The following ADAMTS1 variants were observed in gnomAD, a reference collection of about 807,000 sequenced individuals.
The protein encoded by ADAMTS1 is A disintegrin and metalloproteinase with thrombospondin motifs 1.
In ADAMTS1, 19 loss-of-function variants were observed where a neutral mutation model predicts 87.9. The observed-to-expected ratio is 0.22, with a 90% CI of 0.15 to 0.32. ADAMTS1 has a LOEUF of 0.32. ADAMTS1 is among the 10% of genes least tolerant of loss of function. The pLI, the probability that ADAMTS1 is intolerant of heterozygous loss-of-function variation, is 1.00. For synonymous variants in ADAMTS1, 542 were observed against 501.8 expected, an observed-to-expected ratio of 1.08 and a Z score of -1.07; for missense variants, 1,240 against 1,259.1, an observed-to-expected ratio of 0.98 and a Z score of 0.23.
Position 26,835,783 on chromosome 21 carries a change from AT to A in ADAMTS1, c.*1795del, listed in dbSNP as rs1985352615. The A allele has an allele frequency of 7.0e-6, 1 of 143,104 alleles. No homozygotes were observed. Among genetic ancestry groups the A allele is most frequent in the Non-Finnish European group, 1.6e-5 (1 of 62,250 alleles). 8.9% of individuals were successfully genotyped at this position (143,104 alleles called of 1,614,324 possible). A position where few individuals can be genotyped will look rare whatever the true frequency, so the allele number is the denominator to read the frequency against. ...AAGCTCTTTCCATTTAATTTATGGTATATACCAGGGTTGGCAAACTGAATCT... is the reference window on the plus strand; with the variant it reads ...AAGCTCTTTCCATTTAATTTATGGTAATACCAGGGTTGGCAAACTGAATCT... On this transcript the variant is annotated 3_prime_UTR_variant, in exon 9 of 9. Coordinates refer to ENST00000284984, the MANE Select transcript of ADAMTS1 (RefSeq NM_006988.5).
rs1286419314 is a variant in ADAMTS1 at position 26,838,219 on chromosome 21, T to C, written c.2264A>G (p.Gln755Arg). Reference protein sequence around the residue: ...PTGATNIEVKQRNQRGSRNNG... With the variant: ...PTGATNIEVKRRNQRGSRNNG... ...GTTCCTGGATCCCCTCTGGTTCCGC[T>C]GTTTCACTTCGATGTTGGTGGCTCC... The change falls in exon 9 of 9, where the codon CAG (glutamine) becomes CGG (arginine). Residue 755 changes from glutamine (Q) to arginine (R), a missense_variant. By Grantham distance (43) the Gln-to-Arg change is conservative (BLOSUM62 1). Around this residue, in one of 3 missense-constraint regions of ADAMTS1, gnomAD observed 402 missense variants for 399.1 expected, o/e 1.01. Coordinates refer to ENST00000284984, the MANE Select transcript of ADAMTS1 (RefSeq NM_006988.5). 4 of 1,613,950 alleles carry C rather than the reference T, an allele frequency of 2.5e-6. No individual in the cohort carries two copies. The highest frequency in any genetic ancestry group is 2.7e-5 in the African/African-American group (2 of 75,038).
At position 26,842,344 on chromosome 21, in the gene ADAMTS1, T is replaced by C; in HGVS notation, c.1072A>G (p.Arg358Gly). 2 of 1,613,680 alleles carry C rather than the reference T, an allele frequency of 1.2e-6. No individual in the cohort carries two copies. The highest frequency in any genetic ancestry group is 1.1e-5 in the South Asian group (1 of 90,972). Residue 358 changes from arginine to glycine, a missense_variant, in exon 2 of 9, where the codon AGA (arginine) becomes GGA (glycine). Physicochemically the swap from Arg to Gly is moderately radical, Grantham distance 125 (BLOSUM62 -2). Coordinates refer to ENST00000284984, the MANE Select transcript of ADAMTS1 (RefSeq NM_006988.5). ...EHYDTAILFTRQDLCGSQTCD... is the reference protein window; with the variant it reads ...EHYDTAILFTGQDLCGSQTCD... ...TGGTACCATCTTCCTCTTACCTGTCTGGTGAAAAGAATTGCTGTGTCATAG... is the reference window on the plus strand; with the variant it reads ...TGGTACCATCTTCCTCTTACCTGTCCGGTGAAAAGAATTGCTGTGTCATAG...
chr21:26,844,032 G>A (rs990689273), intron 1 of ADAMTS1, among the ~76,000 whole-genome samples, 193 bp downstream of exon 1: 1 of 152,110 alleles, frequency 6.6e-6, no homozygotes, highest in Non-Finnish European at 1.5e-5. Flanking sequence ...CATTATTCGG[G>A]CAAATGCAAG....
At position 26,844,862 on chromosome 21, in the gene ADAMTS1, C is replaced by T. The variant is rs1324911472; in HGVS notation, c.93G>A (p.Gly31=). The part of the protein sequence containing the change: ...AERAPGSRSF[G]PVPTLLLLAA... ...CGAGCAGCAGCAGCGTGGGTACTGG[C>T]CCAAAGCTCCGAGACCCCGGAGCCC... is the stretch of plus-strand genomic sequence containing the variant. The change falls in exon 1 of 9, where the codon GGG becomes GGA. Residue 31 remains glycine, a synonymous_variant. Coordinates refer to ENST00000284984, the MANE Select transcript of ADAMTS1 (RefSeq NM_006988.5). 2 of 1,553,014 alleles carry T rather than the reference C, an allele frequency of 1.3e-6. No homozygotes were observed. The highest frequency in any genetic ancestry group is 1.4e-5 in the African/African-American group (1 of 73,268).
At chr21:26,839,109 C>T (rs931144695) in intron 7 of ADAMTS1, 1 of 159,438 alleles carries the variant, frequency 6.3e-6, no homozygotes, top group African/African-American at 2.4e-5. Flanking sequence ...GATGCTTTTC[C>T]TAGTTCAATA....
rs1335424493 is a variant in ADAMTS1 at position 26,842,462 on chromosome 21, C to T, written c.954G>A (p.Gly318=). The change falls in exon 2 of 9, where the codon GGG becomes GGA. Residue 318 remains glycine (G), a synonymous_variant. Coordinates refer to ENST00000284984, the MANE Select transcript of ADAMTS1 (RefSeq NM_006988.5). ...GGGCAGCATTGGAGGTCACTTCCGG[C>T]CCCTTCTGTTCATCGTGGATGACCA... is the stretch of plus-strand genomic sequence containing the variant. The part of the protein sequence containing the change: ...KILVIHDEQK[G]PEVTSNAALT... The T allele has an allele frequency of 9.9e-6, 16 of 1,614,022 alleles. No homozygotes were observed. Among genetic ancestry groups the T allele is most frequent in the African/African-American group, 2.7e-5 (2 of 74,904 alleles).
chr21:26,841,253 T>G (rs1042500085), intron 3 of ADAMTS1, 88 bp from the exon 4 acceptor site: 2 of 1,429,710 alleles, frequency 1.4e-6, no homozygotes, highest in Non-Finnish European at 1.9e-6. Flanking sequence ...CCGAGGCGGG[T>G]GGATCACTTG....
At chr21:26,838,336 G>C in intron 8 of ADAMTS1, 58 bp from the exon 9 acceptor site, 9 of 1,573,538 alleles carry the variant, frequency 5.7e-6, no homozygotes, top group Non-Finnish European at 6.9e-6. Context: ...AGATTATTTA[G>C]CTTAAAAACA....
In ADAMTS1 at chr21:26,837,985, C is replaced by T. The variant is rs552206055; in HGVS notation, c.2498G>A (p.Arg833Gln). The change falls in exon 9 of 9, where the codon CGA becomes CAA. Residue 833 changes from arginine (R) to glutamine (Q), a missense_variant. Physicochemically the swap from Arg to Gln is conservative, Grantham distance 43. Coordinates refer to ENST00000284984, the MANE Select transcript of ADAMTS1 (RefSeq NM_006988.5). ...IQVLTVGNAL[R>Q]PKIKYTYFVK... ...GAAGTAGGTGTATTTAATTTTAGGT[C>T]GAAGGGCATTGCCCACAGTAAGAAC... 2.2e-5 allele frequency: 36 copies of T among 1,614,042 alleles called. No individual in the cohort carries two copies. Among genetic ancestry groups the T allele is most frequent in the Admixed American group, 2.0e-4 (12 of 60,006 alleles).
chr21:26,839,850 A>C (rs1419197209), intron 6 of ADAMTS1, 25 bp downstream of exon 6: 2 of 1,608,144 alleles, frequency 1.2e-6, no homozygotes, highest in African/African-American at 2.7e-5. Flanking sequence ...CCAGTTTCTT[A>C]AAACCAGAGT....
chr21:26,845,058 T>G lies in ADAMTS1; in HGVS notation c.-104A>C. On this transcript the variant is annotated 5_prime_UTR_variant, in exon 1 of 9. Transcript: ENST00000284984. ...TTGGCCTGCTCTGGATTGTTAAAAT[T>G]AACAATTTCTATTATTCGTTGGAAG... is the stretch of plus-strand genomic sequence containing the variant. The G allele has an allele frequency of 7.6e-7, 1 of 1,311,034 alleles. No individual in the cohort carries two copies. The highest frequency in any genetic ancestry group is 9.8e-7 in the Non-Finnish European group (1 of 1,024,278). 81.2% of individuals were successfully genotyped at this position (1,311,034 alleles called of 1,614,324 possible). A position where few individuals can be genotyped will look rare whatever the true frequency, so the allele number is the denominator to read the frequency against.
At chr21:26,840,835 T>A (rs562230059) in intron 4 of ADAMTS1, among the ~76,000 whole-genome samples, 163 bp downstream of exon 4, 1 of 152,344 alleles carries the variant, frequency 6.6e-6, no homozygotes, top group East Asian at 1.9e-4. Flanking sequence ...GGAAGCACTA[T>A]TTTTTATTTG....
chr21:26,844,623 G>A lies in ADAMTS1; in HGVS notation c.332C>T (p.Ser111Phe). Residue 111 changes from serine to phenylalanine, a missense_variant, in exon 1 of 9, where the codon TCC (serine) becomes TTC (phenylalanine). This residue lies in a region of ADAMTS1 where 521 missense variants were observed against 449.7 expected (regional missense o/e 1.16). Coordinates refer to ENST00000284984, the MANE Select transcript of ADAMTS1 (RefSeq NM_006988.5). ...GTCGGTTTCCGGAAGCGGCGTCTCG[G>A]ACCCGGATTTGCGCCCCACGTTCTG... is the stretch of plus-strand genomic sequence containing the variant. ...TLQNVGRKSG[S>F]ETPLPETDLA... 5 of 1,608,774 alleles carry A rather than the reference G, an allele frequency of 3.1e-6. No homozygotes were observed. The highest frequency in any genetic ancestry group is 4.2e-6 in the Non-Finnish European group (5 of 1,177,880).
chr21:26,837,702 A>T lies in ADAMTS1; in HGVS notation c.2781T>A (p.Gly927=). ...WSSCSKTCGK[G]YKKRSLKCLS... is the part of the protein sequence containing the mutation. The stretch of plus-strand genomic sequence containing the variant: ...GACACTTCAAGCTTCTTTTTTTGTA[A>T]CCCTTCCCACAGGTCTTAGAACATG... Residue 927 remains glycine (G), a synonymous_variant, in exon 9 of 9, where the codon GGT becomes GGA. Transcript: ENST00000284984. 1 of 1,613,972 alleles carries T rather than the reference A, an allele frequency of 6.2e-7. No homozygotes were observed. The highest frequency in any genetic ancestry group is 8.5e-7 in the Non-Finnish European group (1 of 1,179,994).
At position 26,837,422 on chromosome 21, in the gene ADAMTS1, T is replaced by TTCAAC; in HGVS notation, c.*152_*156dup. On this transcript the variant is annotated 3_prime_UTR_variant, in exon 9 of 9. Transcript: ENST00000284984. ...TGCAACTGGCAGTTTACTCTGATGATTCAACTCCTTTTCTATCTACCCCCA... is the reference window on the plus strand; with the variant it reads ...TGCAACTGGCAGTTTACTCTGATGATTCAACTCAACTCCTTTTCTATCTACCCCCA... The TTCAAC allele has an allele frequency of 1.5e-6, 1 of 645,922 alleles. No homozygotes were observed. Among genetic ancestry groups the TTCAAC allele is most frequent in the Admixed American group, 2.9e-5 (1 of 34,116 alleles). 40.0% of individuals were successfully genotyped at this position (645,922 alleles called of 1,614,324 possible).
Position 26,842,500 on chromosome 21 carries a change from C to A in ADAMTS1, c.916G>T (p.Val306Leu), listed in dbSNP as rs1461105281. The change falls in exon 2 of 9, where the codon GTG becomes TTG. Residue 306 changes from valine to leucine, a missense_variant. This residue lies in a region of ADAMTS1 where 521 missense variants were observed against 449.7 expected (regional missense o/e 1.16). Coordinates refer to ENST00000284984, the MANE Select transcript of ADAMTS1 (RefSeq NM_006988.5). ...TCGTGGATGACCAAGATCTTCACCA[C>A]CACCAGGCTAACTGAATTACGAATG... ...PSIRNSVSLV[V>L]VKILVIHDEQ... 4 of 1,614,078 alleles carry A rather than the reference C, an allele frequency of 2.5e-6. No individual in the cohort carries two copies. The highest frequency in any genetic ancestry group is 2.5e-6 in the Non-Finnish European group (3 of 1,180,056).
At position 26,837,461 on chromosome 21, in the gene ADAMTS1, C is replaced by T; in HGVS notation, c.*118G>A. The T allele has an allele frequency of 1.2e-6, 1 of 853,904 alleles. No individual in the cohort carries two copies. Among genetic ancestry groups the T allele is most frequent in the Non-Finnish European group, 1.8e-6 (1 of 545,624 alleles). The allele number at this position is 853,904 out of a possible 1,614,324, so 52.9% of individuals were successfully genotyped here. ...TATCTACCCCCATAATCCCACCTTACTGATACACCTCACTGGTTACTGGCA... is the reference window on the plus strand; with the variant it reads ...TATCTACCCCCATAATCCCACCTTATTGATACACCTCACTGGTTACTGGCA... On this transcript the variant is annotated 3_prime_UTR_variant, in exon 9 of 9. Transcript: ENST00000284984.
At chr21:26,840,789 C>T (rs1172553161) in intron 4 of ADAMTS1, among the ~76,000 whole-genome samples, 1 of 152,104 alleles carries the variant, frequency 6.6e-6, no homozygotes, top group African/African-American at 2.4e-5. Flanking sequence ...GATCTGCGAA[C>T]AATGTGAATG....
At chr21:26,843,571 T>A (rs528483725) in intron 1 of ADAMTS1, 2 of 467,758 alleles carry the variant, frequency 4.3e-6, no homozygotes, top group South Asian at 3.1e-5. Context: ...AGCAGAATTA[T>A]GGCCGCGAGA....
Sources: gnomAD v4.1 joint callset for allele counts (sites outside exome capture counted in the v4.1 genomes callset) on GRCh38, gnomAD v4.1.1 for gene constraint, gnomAD v4.1.1 regional missense constraint, MANE v1.5 for transcripts, NCBI Gene and HGNC (gene_info 2026-07-23, HGNC 2026-07-21) for gene names.